The following MEPCE variants were observed in gnomAD, a reference collection of about 807,000 sequenced individuals.
MEPCE encodes the protein 7SK snRNA methylphosphate capping enzyme.
Under a neutral mutation model 52.3 loss-of-function variants are expected in MEPCE, and 9 were observed. That is an observed-to-expected ratio of 0.17 (90% CI 0.10 to 0.30). The LOEUF is 0.30. MEPCE is among the 10% of genes least tolerant of loss of function. The pLI, the probability that MEPCE is intolerant of heterozygous loss-of-function variation, is 1.00. For missense variants in MEPCE, 826 were observed against 933.0 expected (o/e 0.89, Z 1.49); for synonymous variants, 477 against 401.6 (o/e 1.19, Z -2.25).
intron 1 of MEPCE, among the ~76,000 whole-genome samples, chr7:100,432,345 C>A (rs1048949030): frequency 2.0e-5 from 3 of 152,174 alleles, no homozygotes; most frequent in African/African-American, 4.8e-5. Flanking sequence ...AGAGAACACT[C>A]CAGTTAGGCT....
Position 100,429,937 on chromosome 7 carries a change from G to T in MEPCE, c.-82G>T. ...CTGCGCGCGCACTCGGGAAAGGGGG[G>T]AAGGGAGCAGGGTCCAGGCAGGGGG... is the stretch of plus-strand genomic sequence containing the variant. On this transcript the variant is annotated 5_prime_UTR_variant, in exon 1 of 4. Transcript: ENST00000310512. 9.2e-7 allele frequency: 1 copy of T among 1,086,564 alleles called. No homozygotes were observed. Among genetic ancestry groups the T allele is most frequent in the Non-Finnish European group, 1.2e-6 (1 of 854,220 alleles). 67.3% of individuals were successfully genotyped at this position (1,086,564 alleles called of 1,614,324 possible). A position where few individuals can be genotyped will look rare whatever the true frequency, so the allele number is the denominator to read the frequency against.
intron 1 of MEPCE, among the ~76,000 whole-genome samples, chr7:100,432,452 A>G (rs1798746813): frequency 6.6e-6 from 1 of 152,180 alleles, no homozygotes; most frequent in Non-Finnish European, 1.5e-5. Flanking sequence ...GGCTTCCTAA[A>G]GGATGTGGCT....
chr7:100,433,524 G>C lies in MEPCE; in HGVS notation c.2040G>C (p.Leu680=), dbSNP rs1054102776. The C allele has an allele frequency of 6.2e-7, 1 of 1,613,546 alleles. No homozygotes were observed. The highest frequency in any genetic ancestry group is 8.5e-7 in the Non-Finnish European group (1 of 1,180,014). ...TSKGFQRPVY[L]FHKARSPSH ...CAGGCTTCCAGCGTCCTGTGTACCT[G>C]TTCCACAAGGCCCGATCCCCCAGCC... Residue 680 remains leucine (L), a synonymous_variant, in exon 4 of 4, where the codon CTG becomes CTC. Coordinates refer to ENST00000310512, the MANE Select transcript of MEPCE (RefSeq NM_019606.6).
chr7:100,432,655 A>G (rs544070313), intron 1 of MEPCE, among the ~76,000 whole-genome samples: 2 of 152,240 alleles, frequency 1.3e-5, no homozygotes, highest in African/African-American at 2.4e-5. Flanking sequence ...GGAAGACTTC[A>G]TGGATAATTT....
In MEPCE at chr7:100,430,553, T is replaced by C. The variant is rs375858105; in HGVS notation, c.535T>C (p.Ser179Pro). Residue 179 changes from serine to proline, a missense_variant, in exon 1 of 4, where the codon TCT becomes CCT. This residue lies in a region of MEPCE where 314 missense variants were observed against 277.7 expected (regional missense o/e 1.13). Coordinates refer to ENST00000310512, the MANE Select transcript of MEPCE (RefSeq NM_019606.6). Reference protein sequence around the residue: ...RRRRVNSDCDSVLPSNFLLGG... With the variant: ...RRRRVNSDCDPVLPSNFLLGG... The stretch of plus-strand genomic sequence containing the variant: ...CAGGCGGGTGAATTCGGACTGTGAC[T>C]CTGTGTTACCCTCCAACTTCCTCCT... 104 of 1,593,166 alleles carry C rather than the reference T, an allele frequency of 6.5e-5. No individual in the cohort carries two copies. Among genetic ancestry groups the C allele is most frequent in the Non-Finnish European group, 8.6e-5 (101 of 1,169,608 alleles).
chr7:100,430,240 C>T lies in MEPCE; in HGVS notation c.222C>T (p.Ala74=), dbSNP rs1321672325. ...AVGRESPGAA[A]TSSSGPQAQQ... ...GTCGGGAAAGCCCCGGGGCCGCGGC[C>T]ACCTCCTCCAGTGGTCCCCAGGCGC... Residue 74 remains alanine (A), a synonymous_variant, in exon 1 of 4, where the codon GCC becomes GCT. Transcript: ENST00000310512. The T allele has an allele frequency of 6.7e-5, 90 of 1,337,912 alleles. No individual in the cohort carries two copies. Among genetic ancestry groups the T allele is most frequent in the Non-Finnish European group, 8.3e-5 (87 of 1,049,172 alleles). 82.9% of individuals were successfully genotyped at this position (1,337,912 alleles called of 1,614,324 possible).
At position 100,430,489 on chromosome 7, in the gene MEPCE, A is replaced by C; in HGVS notation, c.471A>C (p.Gly157=). ...GKRRNSCNVG[G]GGGGFKHPAF... ...GGAGAAATAGCTGTAATGTAGGGGG[A>C]GGCGGGGGAGGCTTCAAACATCCGG... Residue 157 remains glycine, a synonymous_variant, in exon 1 of 4, where the codon GGA becomes GGC. Transcript: ENST00000310512. The C allele has an allele frequency of 6.4e-7, 1 of 1,569,656 alleles. No homozygotes were observed.
Position 100,431,654 on chromosome 7 carries a change from A to C in MEPCE, c.1636A>C (p.Thr546Pro). The change falls in exon 1 of 4, where the codon ACA becomes CCA. Residue 546 changes from threonine (T) to proline (P), a missense_variant. This residue lies in a region of MEPCE where 107 missense variants were observed against 157.9 expected (regional missense o/e 0.68). Transcript: ENST00000310512. ...APQVPLDGADTSVFPNNVVFV... is the reference protein window; with the variant it reads ...APQVPLDGADPSVFPNNVVFV... ...CCAAGTGCCCTTGGATGGAGCGGAC[A>C]CATCAGTCTTCCCCAACAATGTTGT... 6.2e-7 allele frequency: 1 copy of C among 1,601,508 alleles called. No homozygotes were observed. Among genetic ancestry groups the C allele is most frequent in the Non-Finnish European group, 8.5e-7 (1 of 1,178,466 alleles).
chr7:100,429,379 AGGG>A (rs893167397), upstream of MEPCE: 3 of 152,232 alleles, frequency 2.0e-5, no homozygotes, highest in African/African-American at 7.2e-5. Flanking sequence ...GCTGCCCACT[AGGG>A]GGGAGGAAGG....
At chr7:100,432,152 T>G (rs535554350) in intron 1 of MEPCE, among the ~76,000 whole-genome samples, 1 of 152,314 alleles carries the variant, frequency 6.6e-6, no homozygotes, top group African/African-American at 2.4e-5. Context: ...GCCACCTTGC[T>G]CCTATCAGCG....
At position 100,431,055 on chromosome 7, in the gene MEPCE, C is replaced by T. The variant is rs762212189; in HGVS notation, c.1037C>T (p.Pro346Leu). The T allele has an allele frequency of 4.3e-6, 7 of 1,613,916 alleles. No individual in the cohort carries two copies. The highest frequency in any genetic ancestry group is 2.2e-5 in the East Asian group (1 of 44,888). ...GGTCCCTCAGGCTCCCTATCAGCCC[C>T]TCCAGCTGCCTCAGTTATCTCTGCA... is the stretch of plus-strand genomic sequence containing the variant. ...LQGPSGSLSA[P>L]PAASVISAPP... Residue 346 changes from proline (P) to leucine (L), a missense_variant, in exon 1 of 4, where the codon CCT (proline) becomes CTT (leucine). Around this residue, in one of 7 missense-constraint regions of MEPCE, gnomAD observed 307 missense variants for 292.1 expected, o/e 1.05. Transcript: ENST00000310512.
intron 1 of MEPCE, 31 bp from the exon 2 acceptor site, chr7:100,432,888 A>C (rs1200018391): frequency 6.2e-7 from 1 of 1,602,150 alleles, no homozygotes; most frequent in Admixed American, 1.7e-5. Context: ...TGATTCCCTC[A>C]GTTGACCTCA....
Position 100,431,638 on chromosome 7 carries a change from C to T in MEPCE, c.1620C>T (p.Pro540=), listed in dbSNP as rs761273029. Residue 540 remains proline (P), a synonymous_variant, in exon 1 of 4, where the codon CCC becomes CCT. Coordinates refer to ENST00000310512, the MANE Select transcript of MEPCE (RefSeq NM_019606.6). ...SRGPIAAPQV[P]LDGADTSVFP... ...GTCCCATCGCTGCCCCCCAAGTGCC[C>T]TTGGATGGAGCGGACACATCAGTCT... is the stretch of plus-strand genomic sequence containing the variant. 5 of 1,606,342 alleles carry T rather than the reference C, an allele frequency of 3.1e-6. No individual in the cohort carries two copies. The highest frequency in any genetic ancestry group is 1.7e-5 in the Admixed American group (1 of 60,010).
At position 100,431,088 on chromosome 7, in the gene MEPCE, C is replaced by T. The variant is rs367969459; in HGVS notation, c.1070C>T (p.Ser357Phe). Residue 357 changes from serine to phenylalanine, a missense_variant, in exon 1 of 4, where the codon TCT becomes TTT. By Grantham distance (155) the Ser-to-Phe change is radical (BLOSUM62 -2). Coordinates refer to ENST00000310512, the MANE Select transcript of MEPCE (RefSeq NM_019606.6). ...PAASVISAPP[S>F]SSSRHRKRRR... is the part of the protein sequence containing the mutation. ...GCCTCAGTTATCTCTGCACCCCCATCTTCCTCCTCCCGACATCGCAAACGT... is the reference window on the plus strand; with the variant it reads ...GCCTCAGTTATCTCTGCACCCCCATTTTCCTCCTCCCGACATCGCAAACGT... 5 of 1,613,846 alleles carry T rather than the reference C, an allele frequency of 3.1e-6. No individual in the cohort carries two copies. The highest frequency in any genetic ancestry group is 8.5e-7 in the Non-Finnish European group (1 of 1,180,040).
chr7:100,433,766 C>T lies in MEPCE; in HGVS notation c.*212C>T, dbSNP rs192352779. On this transcript the variant is annotated 3_prime_UTR_variant, in exon 4 of 4. Coordinates refer to ENST00000310512, the MANE Select transcript of MEPCE (RefSeq NM_019606.6). ...GCAAGGCTGGCTGTGCTGGAGTCAC[C>T]ATCATCTTCCTCTCCCCCAGCCTCC... 313 of 591,966 alleles carry T rather than the reference C, an allele frequency of 5.3e-4. No homozygotes were observed. Among genetic ancestry groups the T allele is most frequent in the East Asian group, 4.2e-3 (147 of 35,400 alleles). 36.7% of individuals were successfully genotyped at this position (591,966 alleles called of 1,614,324 possible).
chr7:100,433,487 T>A lies in MEPCE; in HGVS notation c.2018-15T>A, dbSNP rs1405673969. ...GGTGCTGCCAACCCCTTCTGATCAC[T>A]CTCTCTCCCCTCAGGCTTCCAGCGT... On this transcript the variant is annotated splice_polypyrimidine_tract_variant and intron_variant, in intron 3 of 3. Coordinates refer to ENST00000310512, the MANE Select transcript of MEPCE (RefSeq NM_019606.6). 3 of 1,613,890 alleles carry A rather than the reference T, an allele frequency of 1.9e-6. No individual in the cohort carries two copies. The highest frequency in any genetic ancestry group is 2.2e-5 in the East Asian group (1 of 44,862).
chr7:100,432,830 C>T lies in MEPCE; in HGVS notation c.1672-89C>T, dbSNP rs556993122. On this transcript the variant is annotated intron_variant, in intron 1 of 3. Coordinates refer to ENST00000310512, the MANE Select transcript of MEPCE (RefSeq NM_019606.6). ...GTGGCCACGGGCTAAAGTGAGGCCG[C>T]GGGACTGTATCGGCCTCAGAGCAGG... The T allele has an allele frequency of 1.8e-4, 210 of 1,180,712 alleles. 1 individual carries two copies. The Middle Eastern group carries it at 2.2e-3, about 12-fold the overall frequency. 73.1% of individuals were successfully genotyped at this position (1,180,712 alleles called of 1,614,324 possible).
Position 100,433,552 on chromosome 7 carries a change from T to G in MEPCE, c.2068T>G (p.Ter690GluextTer4). ...LFHKARSPSH* is the reference protein window; with the variant it reads ...LFHKARSPSHE ...CCACAAGGCCCGATCCCCCAGCCAC[T>G]AAGTGGCCCCCTAAACAGAAAGTGT... Residue 690 changes from the stop codon to glutamate, a stop_lost, in exon 4 of 4, where the codon TAA becomes GAA. Transcript: ENST00000310512. 1 of 1,612,378 alleles carries G rather than the reference T, an allele frequency of 6.2e-7. No homozygotes were observed. The highest frequency in any genetic ancestry group is 2.2e-5 in the East Asian group (1 of 44,888).
At chr7:100,433,228 A>T in intron 2 of MEPCE, 35 bp from the exon 3 acceptor site, 1 of 1,613,978 alleles carries the variant, frequency 6.2e-7, no homozygotes, top group Non-Finnish European at 8.5e-7. Context: ...GGGAGGCGGC[A>T]GCGTGCTGAA....
Sources: gnomAD v4.1 joint callset for allele counts (sites outside exome capture counted in the v4.1 genomes callset) on GRCh38, gnomAD v4.1.1 for gene constraint, gnomAD v4.1.1 regional missense constraint, MANE v1.5 for transcripts, NCBI Gene and HGNC (gene_info 2026-07-23, HGNC 2026-07-21) for gene names.